Variants in NUP107 observed in about 807,000 individuals in gnomAD.
NUP107 encodes nucleoporin 107, also known as nuclear pore complex protein Nup107.
A neutral mutation model predicts 141.0 loss-of-function variants in NUP107; 101 were observed. The observed-to-expected ratio is 0.72, with a 90% CI of 0.61 to 0.84. NUP107 has a LOEUF of 0.84. Among genes scored for constraint, NUP107 ranks in the 40% least tolerant of loss-of-function variants. The pLI, the probability that NUP107 is intolerant of heterozygous loss-of-function variation, is 0.00. For synonymous variants in NUP107, 319 were observed against 363.9 expected (o/e 0.88, Z 1.41); for missense variants, 941 against 1,102.7 (o/e 0.85, Z 2.08).
At position 68,719,324 on chromosome 12, in the gene NUP107, C is replaced by A; in HGVS notation, c.1084-17C>A. ...CACCCTGGTTATTGGACTGACTGCT[C>A]TTTCTTGTTTTCTAAGGCACAACGA... On this transcript the variant is annotated splice_polypyrimidine_tract_variant and intron_variant, in intron 12 of 27. Coordinates refer to ENST00000229179, the MANE Select transcript of NUP107 (RefSeq NM_020401.4). The A allele has an allele frequency of 6.2e-7, 1 of 1,607,670 alleles. No individual in the cohort carries two copies. Among genetic ancestry groups the A allele is most frequent in the South Asian group, 1.1e-5 (1 of 90,614 alleles).
In NUP107 at chr12:68,726,550, C is replaced by G; in HGVS notation, c.1628C>G (p.Pro543Arg). 6.2e-7 allele frequency: 1 copy of G among 1,614,014 alleles called. No homozygotes were observed. Among genetic ancestry groups the G allele is most frequent in the Non-Finnish European group, 8.5e-7 (1 of 1,179,966 alleles). Reference sequence around the variant, plus strand: ...CTTTCCAAAAGCAGAAACAATCTACCTGGACACCTGCTTCGCTTTATGACT... The same window carrying G: ...CTTTCCAAAAGCAGAAACAATCTACGTGGACACCTGCTTCGCTTTATGACT... ...KWLSKSRNNL[P>R]GHLLRFMTHL... is the part of the protein sequence containing the mutation. The change falls in exon 19 of 28, where the codon CCT becomes CGT. Residue 543 changes from proline to arginine, a missense_variant. By Grantham distance (103) the Pro-to-Arg change is moderately radical (BLOSUM62 -2). Transcript: ENST00000229179.
intron 17 of NUP107, among the ~76,000 whole-genome samples, chr12:68,722,955 A>AG (rs1340344001): frequency 6.6e-6 from 1 of 152,224 alleles, no homozygotes; most frequent in African/African-American, 2.4e-5. Flanking sequence ...TCCTGAAAGC[A>AG]GGGTTACCAG....
chr12:68,737,902 G>A (rs1878144606), intron 26 of NUP107, among the ~76,000 whole-genome samples: 1 of 152,144 alleles, frequency 6.6e-6, no homozygotes, highest in South Asian at 2.1e-4. Flanking sequence ...GCACTTTTGG[G>A]AGGCCGAGGA....
chr12:68,727,261 T>C, intron 19 of NUP107, 90 bp from the exon 20 acceptor site: 1 of 659,230 alleles, frequency 1.5e-6, no homozygotes, highest in Non-Finnish European at 2.7e-6. Flanking sequence ...TTACAATTAT[T>C]AAATTATTTA....
chr12:68,737,560 C>CAAA (rs757208798), intron 26 of NUP107, among the ~76,000 whole-genome samples: 8,748 of 71,980 alleles, frequency 0.12, 804 homozygotes, highest in East Asian at 0.23. Context: ...GACCCTGTCT[C>CAAA]AAAAAAAAAA....
rs1289108307 is a variant in NUP107, at chr12:68,702,935, C to T, written c.729+151C>T. On this transcript the variant is annotated intron_variant, in intron 8 of 27. Coordinates refer to ENST00000229179, the MANE Select transcript of NUP107 (RefSeq NM_020401.4). Reference sequence around the variant, plus strand: ...CTCGGCTCACTGCAACCTCTGCCTCCCGGGTTCAAGTGATTCTCCTACCTC... The same window carrying T: ...CTCGGCTCACTGCAACCTCTGCCTCTCGGGTTCAAGTGATTCTCCTACCTC... 1.2e-5 allele frequency: 5 copies of T among 433,510 alleles called. No homozygotes were observed. In the East Asian group the frequency reaches 2.2e-4, roughly 19 times the overall value. The allele number at this position is 433,510 out of a possible 1,614,324, so 26.9% of individuals were successfully genotyped here.
intron 26 of NUP107, among the ~76,000 whole-genome samples, chr12:68,738,661 G>C (rs986402544): frequency 1.3e-5 from 2 of 152,090 alleles, no homozygotes. Context: ...TAAATAACTG[G>C]AATAGTCCCC....
In NUP107 at chr12:68,731,776, T is replaced by G. The variant is rs969324814; in HGVS notation, c.1998+57T>G. ...TAACTTCTAATAATCTTTTATGTTA[T>G]TCCTTGGTGAACTTCTCCCTTCGTA... On this transcript the variant is annotated intron_variant, in intron 22 of 27. Transcript: ENST00000229179. 2.4e-4 allele frequency: 235 copies of G among 968,902 alleles called. No individual in the cohort carries two copies. In the African/African-American group the frequency reaches 3.8e-3, roughly 16 times the overall value. The allele number at this position is 968,902 out of a possible 1,614,324, so 60.0% of individuals were successfully genotyped here.
chr12:68,737,207 A>G (rs1030898392), intron 26 of NUP107, among the ~76,000 whole-genome samples: 1 of 152,320 alleles, frequency 6.6e-6, no homozygotes, highest in East Asian at 1.9e-4. Flanking sequence ...CATCTTTGCT[A>G]TTCTAATTAT....
chr12:68,737,554 C>A (rs1592524920), intron 26 of NUP107, among the ~76,000 whole-genome samples: 1 of 113,384 alleles, frequency 8.8e-6, no homozygotes, highest in Non-Finnish European at 1.7e-5. Context: ...GAGTGAGACC[C>A]TGTCTCAAAA....
chr12:68,738,311 G>A (rs893625214), intron 26 of NUP107, among the ~76,000 whole-genome samples: 4 of 150,978 alleles, frequency 2.6e-5, no homozygotes, highest in African/African-American at 9.8e-5. Flanking sequence ...TTAGCCGGGT[G>A]TGGTGGCTCG....
rs191019297 is a variant in NUP107 at position 68,711,143 on chromosome 12, G to A, written c.890+1050G>A. On this transcript the variant is annotated intron_variant, in intron 10 of 27. Coordinates refer to ENST00000229179, the MANE Select transcript of NUP107 (RefSeq NM_020401.4). ...GGTGGCGGGCGGATCACGAAGTCAG[G>A]AGATCAAGACCATCCTGGCTAATGC... Among the ~76,000 whole-genome samples the A allele has an allele frequency of 4.6e-5, 7 of 151,428 alleles. No homozygotes were observed. The East Asian group carries it at 1.4e-3, about 29-fold the overall frequency.
At chr12:68,742,103 AGTTTTAAT>A (rs1878343590) in intron 27 of NUP107, 123 bp downstream of exon 27, 8 of 847,576 alleles carry the variant, frequency 9.4e-6, no homozygotes, top group Non-Finnish European at 1.1e-5. Context: ...GTAATAGTCC[AGTTTTAAT>A]GTTTTAATGT....
chr12:68,705,655 A>T lies in NUP107; in HGVS notation c.729+2871A>T, dbSNP rs1429245895. 1.2e-5 allele frequency: 7 copies of T among 593,720 alleles called. No homozygotes were observed. In the Admixed American group the frequency reaches 1.5e-4, roughly 13 times the overall value. 36.8% of individuals were successfully genotyped at this position (593,720 alleles called of 1,614,324 possible). A position where few individuals can be genotyped will look rare whatever the true frequency, so the allele number is the denominator to read the frequency against. On this transcript the variant is annotated intron_variant, in intron 8 of 27. Coordinates refer to ENST00000229179, the MANE Select transcript of NUP107 (RefSeq NM_020401.4). ...CACCATGTCCATCAGAGTGACCCAG[A>T]AGTCCTTCAAGGTGTCCAACTCTGG...
intron 20 of NUP107, among the ~76,000 whole-genome samples, chr12:68,729,012 G>A (rs1877697098): frequency 6.6e-6 from 1 of 152,074 alleles, no homozygotes; most frequent in Non-Finnish European, 1.5e-5. Context: ...CACTTTGTAT[G>A]GCTCCTGTGG....
intron 5 of NUP107, among the ~76,000 whole-genome samples, chr12:68,695,285 T>C (rs1441394887): frequency 6.6e-6 from 1 of 152,122 alleles, no homozygotes; most frequent in Admixed American, 6.5e-5. Flanking sequence ...ATCCAAAAGA[T>C]TGGAAAGCAG....
intron 17 of NUP107, among the ~76,000 whole-genome samples, chr12:68,723,733 C>T (rs1022911852): frequency 1.3e-5 from 2 of 152,158 alleles, no homozygotes; most frequent in African/African-American, 2.4e-5. Context: ...TTTTGCCAAT[C>T]CATCAGAGTA....
chr12:68,709,874 G>T (rs554553028), intron 9 of NUP107, 131 bp from the exon 10 acceptor site: 120 of 522,966 alleles, frequency 2.3e-4, no homozygotes, highest in African/African-American at 2.3e-3. Context: ...GCACGACAGA[G>T]TGAGACTCTT....
At chr12:68,732,850 T>A (rs1025923371) in intron 23 of NUP107, 111 bp downstream of exon 23, 2 of 611,202 alleles carry the variant, frequency 3.3e-6, no homozygotes, top group African/African-American at 3.8e-5. Flanking sequence ...CACCTAATTT[T>A]TAAAAAATTT....
Sources: gnomAD v4.1 joint callset for allele counts (sites outside exome capture counted in the v4.1 genomes callset) on GRCh38, gnomAD v4.1.1 for gene constraint, MANE v1.5 for transcripts, NCBI Gene and HGNC (gene_info 2026-07-23, HGNC 2026-07-21) for gene names.